RPGRIP1: variants seen among roughly 807,000 people sequenced by gnomAD.
RPGRIP1 encodes X-linked retinitis pigmentosa GTPase regulator-interacting protein 1.
RPGRIP1 carries 128 observed loss-of-function variants against 157.9 expected under a neutral mutation model. That is an observed-to-expected ratio of 0.81 (90% CI 0.70 to 0.94). RPGRIP1 has a LOEUF of 0.94. RPGRIP1 is among the 40% of genes least tolerant of loss of function. RPGRIP1 has a pLI of 0.00. For missense variants in RPGRIP1, 1,486 were observed against 1,545.8 expected (o/e 0.96, Z 0.65); for synonymous variants, 554 against 571.6 (o/e 0.97, Z 0.44).
chr14:21,307,385 T>C (rs1362991659), intron 6 of RPGRIP1, among the ~76,000 whole-genome samples: 2 of 152,256 alleles, frequency 1.3e-5, no homozygotes, highest in Non-Finnish European at 2.9e-5. Flanking sequence ...TCTAGCACGT[T>C]CAAACCTCAC....
In RPGRIP1 at chr14:21,340,292, T is replaced by C. The variant is rs564562609; in HGVS notation, c.3340-2744T>C. 4.1e-4 allele frequency among the ~76,000 whole-genome samples: 63 copies of C among 152,226 alleles called. 1 individual carries two copies. In the South Asian group the frequency reaches 0.013, roughly 31 times the overall value. On this transcript the variant is annotated intron_variant, in intron 21 of 24. Coordinates refer to ENST00000400017, the MANE Select transcript of RPGRIP1 (RefSeq NM_020366.4). Reference sequence around the variant, plus strand: ...TTGCTCAAGGGAATATTTAATACAGTTTTACTGAGTGTATACTGTGTGCCA... The same window carrying C: ...TTGCTCAAGGGAATATTTAATACAGCTTTACTGAGTGTATACTGTGTGCCA...
At chr14:21,281,570 T>G (rs1422136572) in intron 1 of RPGRIP1, among the ~76,000 whole-genome samples, 1 of 151,496 alleles carries the variant, frequency 6.6e-6, no homozygotes, top group Non-Finnish European at 1.5e-5. Context: ...GCGCCTGTAA[T>G]TGCAGCTGCC....
At chr14:21,344,379 T>C (rs1056481442) in intron 22 of RPGRIP1, among the ~76,000 whole-genome samples, 2 of 152,186 alleles carry the variant, frequency 1.3e-5, no homozygotes, top group African/African-American at 4.8e-5. Context: ...CATCTATTTT[T>C]TTCCTGAAGA....
Position 21,351,107 on chromosome 14 carries a change from T to C in RPGRIP1, c.3752T>C (p.Val1251Ala). ...GTTTTTTTCCCTTTCCCAACAGTTGTTAGCCCTGAAGATCTGGCTACCCCA... is the reference window on the plus strand; with the variant it reads ...GTTTTTTTCCCTTTCCCAACAGTTGCTAGCCCTGAAGATCTGGCTACCCCA... ...RDILEQELDIVSPEDLATPIG... is the reference protein window; with the variant it reads ...RDILEQELDIASPEDLATPIG... Residue 1251 changes from valine to alanine, a missense_variant, in exon 25 of 25, where the codon GTT becomes GCT. Coordinates refer to ENST00000400017, the MANE Select transcript of RPGRIP1 (RefSeq NM_020366.4). 1 of 1,599,042 alleles carries C rather than the reference T, an allele frequency of 6.3e-7. No homozygotes were observed. Among genetic ancestry groups the C allele is most frequent in the Non-Finnish European group, 8.6e-7 (1 of 1,169,502 alleles).
At chr14:21,321,165 A>G (rs1882415596) in intron 12 of RPGRIP1, 94 bp from the exon 13 acceptor site, 2 of 1,316,376 alleles carry the variant, frequency 1.5e-6, no homozygotes, top group African/African-American at 1.5e-5. Flanking sequence ...TGCTGCTGGC[A>G]TTTTACTACT....
chr14:21,345,869 G>A (rs1489159507), intron 23 of RPGRIP1, among the ~76,000 whole-genome samples: 1 of 152,002 alleles, frequency 6.6e-6, no homozygotes. Flanking sequence ...GTCCAGGCTG[G>A]AGTGCAGTGG....
chr14:21,322,878 CACTGCTG>C (rs2139217267), intron 14 of RPGRIP1, among the ~76,000 whole-genome samples: 1 of 152,264 alleles, frequency 6.6e-6, no homozygotes, highest in Admixed American at 6.5e-5. Context: ...TTAGTGTAGT[CACTGCTG>C]ACCAGAGCCT....
intron 24 of RPGRIP1, among the ~76,000 whole-genome samples, chr14:21,350,159 T>C (rs1286092703): frequency 6.6e-6 from 1 of 152,080 alleles, no homozygotes; most frequent in Non-Finnish European, 1.5e-5. Context: ...GCGGATCACC[T>C]GAGGTCAGGA....
chr14:21,281,022 C>CTT (rs770674526), intron 1 of RPGRIP1, among the ~76,000 whole-genome samples: 2 of 139,278 alleles, frequency 1.4e-5, no homozygotes, highest in African/African-American at 2.7e-5. Context: ...TTGGGCTTTT[C>CTT]TTTTTTTTTT....
chr14:21,321,759 A>T, intron 13 of RPGRIP1, 95 bp from the exon 14 acceptor site: 1 of 1,218,982 alleles, frequency 8.2e-7, no homozygotes, highest in Non-Finnish European at 1.1e-6. Flanking sequence ...CCAGCTAAGG[A>T]TAGCAGTCTT....
At chr14:21,321,570 T>C (rs1882473918) in intron 13 of RPGRIP1, 168 bp downstream of exon 13, 2 of 1,339,560 alleles carry the variant, frequency 1.5e-6, no homozygotes, top group South Asian at 1.7e-5. Context: ...GACTCACACA[T>C]GCCCACGGCA....
At chr14:21,292,532 C>A (rs1443618916) in intron 2 of RPGRIP1, among the ~76,000 whole-genome samples, 1 of 152,014 alleles carries the variant, frequency 6.6e-6, no homozygotes, top group Non-Finnish European at 1.5e-5. Context: ...CATGGTGAGA[C>A]CTTGTCACTA....
At chr14:21,342,995 T>TTTAGGCA in intron 21 of RPGRIP1, 41 bp from the exon 22 acceptor site, 2 of 1,504,914 alleles carry the variant, frequency 1.3e-6, no homozygotes, top group Non-Finnish European at 1.8e-6. Flanking sequence ...ACTTGGAGCC[T>TTTAGGCA]CACTAACCTT....
chr14:21,321,597 C>G, intron 13 of RPGRIP1, 195 bp downstream of exon 13: 1 of 1,229,134 alleles, frequency 8.1e-7, no homozygotes. Context: ...CACTAGGAGC[C>G]AGTGATGGGG....
rs1566351378 is a variant in RPGRIP1 at position 21,330,407 on chromosome 14, A to T, written c.3238+20A>T. 3 of 1,454,602 alleles carry T rather than the reference A, an allele frequency of 2.1e-6. No individual in the cohort carries two copies. The highest frequency in any genetic ancestry group is 1.8e-6 in the Non-Finnish European group (2 of 1,104,226). 90.1% of individuals were successfully genotyped at this position (1,454,602 alleles called of 1,614,324 possible). ...TAAATGGTATTGTCTTTTAAAATCT[A>T]TTTTTTTTCCTAGCACTTTGGGAGG... On this transcript the variant is annotated intron_variant, in intron 20 of 24. Coordinates refer to ENST00000400017, the MANE Select transcript of RPGRIP1 (RefSeq NM_020366.4).
In RPGRIP1 at chr14:21,343,013, T is replaced by C. The variant is rs957165602; in HGVS notation, c.3340-23T>C. 1.9e-6 allele frequency: 3 copies of C among 1,596,180 alleles called. No homozygotes were observed. In the African/African-American group the frequency reaches 4.0e-5, roughly 21 times the overall value. ...TGGAGCCTCACTAACCTTTAGGAACTAAATAAACATTTTCCTTATCAGGAT... is the reference window on the plus strand; with the variant it reads ...TGGAGCCTCACTAACCTTTAGGAACCAAATAAACATTTTCCTTATCAGGAT... On this transcript the variant is annotated intron_variant, in intron 21 of 24. Transcript: ENST00000400017.
At chr14:21,348,785 C>A (rs1158322632) in intron 24 of RPGRIP1, among the ~76,000 whole-genome samples, 2 of 150,460 alleles carry the variant, frequency 1.3e-5, no homozygotes, top group African/African-American at 4.9e-5. Context: ...CCTGCCTCAG[C>A]TTCCTGCCTC....
At chr14:21,317,584 A>T (rs1368906287) in intron 10 of RPGRIP1, 112 bp from the exon 11 acceptor site, 1 of 1,541,858 alleles carries the variant, frequency 6.5e-7, no homozygotes, top group East Asian at 2.4e-5. Context: ...AGAAAAAAAC[A>T]TGTAGGGGAG....
At chr14:21,288,430 C>T (rs1169659008) in intron 2 of RPGRIP1, among the ~76,000 whole-genome samples, 1 of 151,912 alleles carries the variant, frequency 6.6e-6, no homozygotes, top group Non-Finnish European at 1.5e-5. Context: ...ATCTGCCCTC[C>T]TCGGGCTCCC....
Sources: gnomAD v4.1 joint callset for allele counts (sites outside exome capture counted in the v4.1 genomes callset) on GRCh38, gnomAD v4.1.1 for gene constraint, MANE v1.5 for transcripts, NCBI Gene and HGNC (gene_info 2026-07-23, HGNC 2026-07-21) for gene names.